ADCY8: variants seen among roughly 807,000 people sequenced by gnomAD.
ADCY8 encodes adenylate cyclase 8, also known as adenylate cyclase type 8.
In ADCY8, 51 loss-of-function variants were observed where a neutral mutation model predicts 119.7. That is an observed-to-expected ratio of 0.43 (90% CI 0.34 to 0.54). The LOEUF is 0.54. Ranked by LOEUF, ADCY8 falls within the 20% of genes least tolerant of loss-of-function variation. The probability of loss-of-function intolerance (pLI) is 0.03; values close to 1 mark genes in which losing one functional copy is unlikely to be tolerated. For synonymous variants in ADCY8, 665 were observed against 651.0 expected (o/e 1.02, Z -0.33); for missense variants, 1,383 against 1,598.8 (o/e 0.87, Z 2.30).
intron 8 of ADCY8, among the ~76,000 whole-genome samples, chr8:130,874,357 A>ATAAG (rs1818482514): frequency 6.8e-6 from 1 of 147,318 alleles, no homozygotes; most frequent in South Asian, 2.2e-4. Context: ...AAATAAATAA[A>ATAAG]ATACACCATT....
At chr8:130,954,789 C>A (rs971724772) in intron 2 of ADCY8, among the ~76,000 whole-genome samples, 1 of 152,190 alleles carries the variant, frequency 6.6e-6, no homozygotes, top group Non-Finnish European at 1.5e-5. Flanking sequence ...CTAACAACTG[C>A]ACTTCCTACA....
At chr8:131,038,110 A>T (rs1227479450) in intron 1 of ADCY8, among the ~76,000 whole-genome samples, 2 of 152,236 alleles carry the variant, frequency 1.3e-5, no homozygotes, top group Non-Finnish European at 2.9e-5. Flanking sequence ...GAGAAGAGAC[A>T]GGATCCCACA....
intron 1 of ADCY8, among the ~76,000 whole-genome samples, chr8:130,994,518 T>A (rs1563760091): frequency 1.3e-5 from 2 of 152,224 alleles, no homozygotes; most frequent in African/African-American, 4.8e-5. Context: ...ATTGCCACAT[T>A]TGTATAAGTT....
chr8:131,017,640 A>T (rs1369022444), intron 1 of ADCY8, among the ~76,000 whole-genome samples: 3 of 152,152 alleles, frequency 2.0e-5, no homozygotes, highest in African/African-American at 7.2e-5. Context: ...GCCACCAGTC[A>T]GGGGCTGTGC....
chr8:130,835,517 C>T (rs550817804), intron 12 of ADCY8, among the ~76,000 whole-genome samples: 1 of 152,286 alleles, frequency 6.6e-6, no homozygotes, highest in East Asian at 1.9e-4. Context: ...TTTTCCCTCA[C>T]TTTCACTGCC....
intron 12 of ADCY8, among the ~76,000 whole-genome samples, chr8:130,822,176 T>C (rs1432453080): frequency 6.6e-6 from 1 of 152,154 alleles, no homozygotes; most frequent in African/African-American, 2.4e-5. Flanking sequence ...ACATCCTTGT[T>C]GCCATAGGAA....
intron 9 of ADCY8, among the ~76,000 whole-genome samples, chr8:130,851,314 A>G (rs1276964251): frequency 6.6e-6 from 1 of 152,212 alleles, no homozygotes; most frequent in East Asian, 1.9e-4. Context: ...CTAAACAAAC[A>G]TCAACTGAAA....
chr8:130,782,434 C>T (rs1252140984), intron 17 of ADCY8, among the ~76,000 whole-genome samples: 1 of 152,192 alleles, frequency 6.6e-6, no homozygotes, highest in African/African-American at 2.4e-5. Context: ...CAAAGTCATA[C>T]AGCTGGTTAC....
At chr8:131,007,546 T>C (rs1258990395) in intron 1 of ADCY8, among the ~76,000 whole-genome samples, 1 of 152,222 alleles carries the variant, frequency 6.6e-6, no homozygotes, top group Non-Finnish European at 1.5e-5. Flanking sequence ...ATCAATAGTT[T>C]GAAGACTGAG....
At chr8:130,915,642 C>T (rs1183611862) in intron 5 of ADCY8, among the ~76,000 whole-genome samples, 1 of 152,164 alleles carries the variant, frequency 6.6e-6, no homozygotes, top group Non-Finnish European at 1.5e-5. Context: ...GTATGTAAAA[C>T]ACTTAGCCTG....
chr8:130,938,128 C>A lies in ADCY8; in HGVS notation c.1354-928G>T, dbSNP rs910601252. Among the ~76,000 whole-genome samples, 5 of 152,280 alleles carry A rather than the reference C, an allele frequency of 3.3e-5. No homozygotes were observed. The East Asian group carries it at 9.7e-4, about 29-fold the overall frequency. On this transcript the variant is annotated intron_variant, in intron 4 of 17. Coordinates refer to ENST00000286355, the MANE Select transcript of ADCY8 (RefSeq NM_001115.3). ...GCACTGGTTTACGAGTCACACTGCA[C>A]AGGATCAAATCTCAGATACTGCCTC...
intron 8 of ADCY8, among the ~76,000 whole-genome samples, chr8:130,870,353 A>T (rs141353817): frequency 6.6e-6 from 1 of 152,070 alleles, no homozygotes; most frequent in Non-Finnish European, 1.5e-5. Context: ...CATCATGAAC[A>T]TCACCACCTG....
intron 5 of ADCY8, among the ~76,000 whole-genome samples, chr8:130,934,763 G>T (rs541961547): frequency 1.3e-5 from 2 of 152,104 alleles, no homozygotes; most frequent in African/African-American, 4.8e-5. Context: ...GAGTACTTCC[G>T]CATCTCTACA....
intron 9 of ADCY8, among the ~76,000 whole-genome samples, chr8:130,855,769 T>C (rs1817711951): frequency 6.6e-6 from 1 of 152,080 alleles, no homozygotes; most frequent in Admixed American, 6.5e-5. Context: ...CTCTCTGCCC[T>C]AAATATCTTA....
At position 130,903,861 on chromosome 8, in the gene ADCY8, A is replaced by G. The variant is rs368131389; in HGVS notation, c.1822T>C (p.Ser608Pro). The G allele has an allele frequency of 4.3e-6, 7 of 1,613,840 alleles. No homozygotes were observed. In the African/African-American group the frequency reaches 5.3e-5, roughly 12 times the overall value. ...GCCCCACTGTTTCTCCGGTCTGAGG[A>G]GCTCACTGACTCCTTGACGATATCT... is the stretch of plus-strand genomic sequence containing the variant. ...PEDIVKESVSSSDRRNSGATF... is the reference protein window; with the variant it reads ...PEDIVKESVSPSDRRNSGATF... The change falls in exon 7 of 18, where the codon TCC (serine) becomes CCC (proline). Residue 608 changes from serine (S) to proline (P), a missense_variant. Physicochemically the swap from Ser to Pro is moderately conservative, Grantham distance 74 (BLOSUM62 -1). This residue lies in a region of ADCY8 where 928 missense variants were observed against 1,163.5 expected (regional missense o/e 0.80). Transcript: ENST00000286355.
At chr8:130,897,447 GTTGT>G (rs894768910) in intron 7 of ADCY8, among the ~76,000 whole-genome samples, 1 of 151,750 alleles carries the variant, frequency 6.6e-6, no homozygotes, top group Admixed American at 6.6e-5. Flanking sequence ...AAATCAAATT[GTTGT>G]TTGTTTGTTT....
chr8:130,785,895 C>A (rs1259644921), intron 15 of ADCY8, among the ~76,000 whole-genome samples: 7 of 152,192 alleles, frequency 4.6e-5, no homozygotes, highest in African/African-American at 1.4e-4. Flanking sequence ...TTGCCCCTTG[C>A]CACACTGACC....
chr8:130,782,219 C>A (rs567156394), intron 17 of ADCY8, among the ~76,000 whole-genome samples: 18 of 152,156 alleles, frequency 1.2e-4, no homozygotes, highest in African/African-American at 4.1e-4. Flanking sequence ...ATATAAGTGA[C>A]TGGAAATTTG....
chr8:130,979,185 C>T (rs574734637), intron 2 of ADCY8, among the ~76,000 whole-genome samples: 69 of 152,240 alleles, frequency 4.5e-4, no homozygotes, highest in African/African-American at 1.6e-3. Context: ...AAGGGAGCTC[C>T]CTGAAGAACG....
Sources: gnomAD v4.1 joint callset for allele counts (sites outside exome capture counted in the v4.1 genomes callset) on GRCh38, gnomAD v4.1.1 for gene constraint, gnomAD v4.1.1 regional missense constraint, MANE v1.5 for transcripts, NCBI Gene and HGNC (gene_info 2026-07-23, HGNC 2026-07-21) for gene names.